Variants in ZNF492 observed in about 807,000 individuals in gnomAD.
The protein encoded by ZNF492 is zinc finger protein 492.
Under a neutral mutation model 6.4 loss-of-function variants are expected in ZNF492, and 3 were observed. The ratio of observed to expected loss-of-function variants is 0.47; its 90% confidence interval spans 0.21 to 1.22. ZNF492 has a LOEUF of 1.22. Among genes scored for constraint, ZNF492 ranks in the 50% most tolerant of loss-of-function variants. The pLI, the probability that ZNF492 is intolerant of heterozygous loss-of-function variation, is 0.22. For missense variants in ZNF492, 356 were observed against 612.5 expected (o/e 0.58, Z 4.42); for synonymous variants, 112 against 205.3 (o/e 0.55, Z 3.89).
chr19:22,641,770 G>T (rs1971827360), intron 1 of ZNF492, among the ~76,000 whole-genome samples: 1 of 151,974 alleles, frequency 6.6e-6, no homozygotes, highest in Non-Finnish European at 1.5e-5. Flanking sequence ...ATTTATTTAT[G>T]TGCCCCCATC....
intron 1 of ZNF492, among the ~76,000 whole-genome samples, chr19:22,643,496 G>C (rs532154880): frequency 6.6e-6 from 1 of 152,242 alleles, no homozygotes; most frequent in Admixed American, 6.5e-5. Flanking sequence ...CTAATAATGA[G>C]CCTAGGGGGA....
chr19:22,635,535 A>C (rs1971752267), intron 1 of ZNF492, among the ~76,000 whole-genome samples: 2 of 152,240 alleles, frequency 1.3e-5, no homozygotes, highest in South Asian at 4.1e-4. Flanking sequence ...CATGAGAAGA[A>C]AGCAAGGAAT....
intron 1 of ZNF492, among the ~76,000 whole-genome samples, chr19:22,647,186 C>G (rs368368477): frequency 6.6e-6 from 1 of 151,204 alleles, no homozygotes; most frequent in South Asian, 2.1e-4. Flanking sequence ...CCACTGCGCC[C>G]GGCCTGGTGG....
chr19:22,636,938 T>C (rs1971773973), intron 1 of ZNF492, among the ~76,000 whole-genome samples: 1 of 143,094 alleles, frequency 7.0e-6, no homozygotes, highest in East Asian at 2.1e-4. Context: ...CCTGACCCCA[T>C]GTTTTATTTT....
chr19:22,664,166 A>G lies in ZNF492; in HGVS notation c.497A>G (p.Glu166Gly). The G allele has an allele frequency of 6.2e-7, 1 of 1,608,684 alleles. No homozygotes were observed. Among genetic ancestry groups the G allele is most frequent in the Non-Finnish European group, 8.5e-7 (1 of 1,177,354 alleles). The change falls in exon 4 of 4, where the codon GAG becomes GGG. Residue 166 changes from glutamate to glycine, a missense_variant. Around this residue, in one of 7 missense-constraint regions of ZNF492, gnomAD observed 196 missense variants for 219.4 expected, o/e 0.89. Transcript: ENST00000456783. ...LAQHKRIHSG[E>G]KPYKCKECGK... is the part of the protein sequence containing the mutation. ...CAACATAAAAGAATTCATAGTGGAG[A>G]GAAACCCTACAAATGTAAAGAATGT...
At position 22,665,295 on chromosome 19, in the gene ZNF492, A is replaced by G; in HGVS notation, c.*30A>G. ...AATATGAATGTGACAAAGCCTTTAA[A>G]TGGTTATCACACTGGATTGTAGGTA... On this transcript the variant is annotated 3_prime_UTR_variant, in exon 4 of 4. Coordinates refer to ENST00000456783, the MANE Select transcript of ZNF492 (RefSeq NM_020855.3). The G allele has an allele frequency of 6.6e-7, 1 of 1,513,308 alleles. No homozygotes were observed. The highest frequency in any genetic ancestry group is 8.8e-7 in the Non-Finnish European group (1 of 1,131,394). 93.7% of individuals were successfully genotyped at this position (1,513,308 alleles called of 1,614,324 possible).
intron 3 of ZNF492, among the ~76,000 whole-genome samples, chr19:22,655,146 TAGTC>T (rs1010737933): frequency 1.3e-5 from 2 of 151,396 alleles, no homozygotes; most frequent in African/African-American, 2.4e-5. Flanking sequence ...TACAAAAAAT[TAGTC>T]AGGCGTGGTG....
At chr19:22,639,075 C>T (rs35556864) in intron 1 of ZNF492, among the ~76,000 whole-genome samples, 4,344 of 152,044 alleles carry the variant, frequency 0.029, 70 homozygotes, top group East Asian at 0.075. Context: ...CTCCTGACCT[C>T]GTGATCCACC....
At chr19:22,652,087 C>G (rs1373790038) in intron 1 of ZNF492, among the ~76,000 whole-genome samples, 2 of 151,880 alleles carry the variant, frequency 1.3e-5, no homozygotes, top group East Asian at 3.9e-4. Context: ...ATGTTAATAA[C>G]TCACTTGATT....
intron 1 of ZNF492, among the ~76,000 whole-genome samples, chr19:22,642,384 CT>C (rs869202400): frequency 0.017 from 1,481 of 85,450 alleles, 3 homozygotes; most frequent in Middle Eastern, 0.029. Flanking sequence ...AACCTTTTGT[CT>C]TTTTTTTTTT....
rs1251534272 is a variant in ZNF492, at chr19:22,665,784, C to T, written c.*519C>T. 1 of 153,578 alleles carries T rather than the reference C, an allele frequency of 6.5e-6. No individual in the cohort carries two copies. The allele number at this position is 153,578 out of a possible 1,614,324, so 9.5% of individuals were successfully genotyped here. A position where few individuals can be genotyped will look rare whatever the true frequency, so the allele number is the denominator to read the frequency against. Reference sequence around the variant, plus strand: ...TTCAAAAACTACAGGTTAGAAAATTCCAGAGAGTTCATATTAAAATATTTT... The same window carrying T: ...TTCAAAAACTACAGGTTAGAAAATTTCAGAGAGTTCATATTAAAATATTTT... On this transcript the variant is annotated 3_prime_UTR_variant, in exon 4 of 4. Transcript: ENST00000456783.
At chr19:22,638,664 TC>T (rs1971792316) in intron 1 of ZNF492, among the ~76,000 whole-genome samples, 1 of 152,202 alleles carries the variant, frequency 6.6e-6, no homozygotes, top group South Asian at 2.1e-4. Flanking sequence ...TCAGCTTTGT[TC>T]TTTTTGCTTA....
At chr19:22,647,802 T>C (rs1342927495) in intron 1 of ZNF492, among the ~76,000 whole-genome samples, 1 of 146,528 alleles carries the variant, frequency 6.8e-6, no homozygotes, top group Non-Finnish European at 1.5e-5. Context: ...TGATCTTGGC[T>C]TACTGCAACC....
rs909524574 is a variant in ZNF492, at chr19:22,663,896, G to A, written c.227G>A (p.Cys76Tyr). The change falls in exon 4 of 4, where the codon TGT (cysteine) becomes TAT (tyrosine). Residue 76 changes from cysteine (C) to tyrosine (Y), a missense_variant. Cys to Tyr is a radical substitution (Grantham distance 194). Around this residue, in one of 7 missense-constraint regions of ZNF492, gnomAD observed 196 missense variants for 219.4 expected, o/e 0.89. Transcript: ENST00000456783. Reference sequence around the variant, plus strand: ...CTGAGAAGATATAAAAAATGTGGATGTGAAAATTTACAGTTAAGAAAATAC... The same window carrying A: ...CTGAGAAGATATAAAAAATGTGGATATGAAAATTTACAGTTAAGAAAATAC... ...VILRRYKKCG[C>Y]ENLQLRKYCK... 11 of 1,591,742 alleles carry A rather than the reference G, an allele frequency of 6.9e-6. No individual in the cohort carries two copies. The highest frequency in any genetic ancestry group is 5.5e-5 in the African/African-American group (4 of 72,610).
intron 1 of ZNF492, among the ~76,000 whole-genome samples, chr19:22,652,230 T>TATC (rs1568354751): frequency 2.0e-3 from 197 of 99,712 alleles, no homozygotes; most frequent in African/African-American, 6.5e-3. Flanking sequence ...GCTTTTTTTT[T>TATC]TTTTTTTTGA....
intron 1 of ZNF492, among the ~76,000 whole-genome samples, chr19:22,642,248 A>T (rs1433842970): frequency 6.6e-6 from 1 of 151,996 alleles, no homozygotes; most frequent in Non-Finnish European, 1.5e-5. Context: ...AAGAGGCTTT[A>T]TTTACATACG....
At chr19:22,646,550 T>G (rs1476765761) in intron 1 of ZNF492, among the ~76,000 whole-genome samples, 2 of 152,228 alleles carry the variant, frequency 1.3e-5, no homozygotes, top group Admixed American at 6.5e-5. Context: ...CTTCTAATAC[T>G]ATATTCAATA....
chr19:22,658,720 T>C (rs1972022901), intron 3 of ZNF492, among the ~76,000 whole-genome samples: 1 of 142,704 alleles, frequency 7.0e-6, no homozygotes, highest in Non-Finnish European at 1.5e-5. Context: ...TTATATCTGC[T>C]GAACGATTTG....
In ZNF492 at chr19:22,658,617, G is replaced by C. The variant is rs927116386; in HGVS notation, c.130+4602G>C. On this transcript the variant is annotated intron_variant, in intron 3 of 3. Coordinates refer to ENST00000456783, the MANE Select transcript of ZNF492 (RefSeq NM_020855.3). ...GTTTGTGGCTGGCTCATTTTATTTT[G>C]CATAAAGTCATCAAGATTTACCTTT... Among the ~76,000 whole-genome samples, 2 of 139,812 alleles carry C rather than the reference G, an allele frequency of 1.4e-5. 1 individual carries two copies. Among genetic ancestry groups the C allele is most frequent in the Admixed American group, 1.4e-4 (2 of 14,200 alleles). The allele number at this position is 139,812 out of a possible 152,430, so 91.7% of individuals were successfully genotyped here.
Sources: allele counts gnomAD v4.1 joint callset (sites outside exome capture counted in the v4.1 genomes callset), GRCh38; gene constraint gnomAD v4.1.1; regional missense constraint gnomAD v4.1.1; transcripts MANE v1.5; gene names NCBI Gene and HGNC (gene_info 2026-07-23, HGNC 2026-07-21).